PCDHGA2: variants seen among roughly 807,000 people sequenced by gnomAD.
The protein encoded by PCDHGA2 is protocadherin gamma subfamily A, 2, also known as protocadherin gamma-A2.
PCDHGA2 carries 40 observed loss-of-function variants against 59.2 expected under a neutral mutation model. The ratio of observed to expected loss-of-function variants is 0.68; its 90% CI spans 0.52 to 0.88. The LOEUF (loss-of-function observed/expected upper bound fraction) is 0.88. Among genes scored for constraint, PCDHGA2 ranks in the 40% least tolerant of loss-of-function variants. PCDHGA2 has a pLI of 0.00. For missense variants in PCDHGA2, 1,226 were observed against 1,204.0 expected, an observed-to-expected ratio of 1.02 and a Z score of -0.27; for synonymous variants, 560 against 526.0, an observed-to-expected ratio of 1.06 and a Z score of -0.89.
intron 2 of PCDHGA2, among the ~76,000 whole-genome samples, chr5:141,504,402 G>A (rs2099837969): frequency 6.6e-6 from 1 of 152,170 alleles, no homozygotes; most frequent in Admixed American, 6.6e-5. Context: ...AGCCAGTGTG[G>A]TGGAGGAACA....
chr5:141,402,749 G>A (rs768250544), intron 1 of PCDHGA2, among the ~76,000 whole-genome samples: 4 of 152,152 alleles, frequency 2.6e-5, no homozygotes, highest in Non-Finnish European at 5.9e-5. Flanking sequence ...TCAACTCTAA[G>A]CGAAAATCAG....
intron 1 of PCDHGA2, among the ~76,000 whole-genome samples, chr5:141,468,306 C>T (rs1006015063): frequency 9.5e-6 from 1 of 105,260 alleles, no homozygotes; most frequent in African/African-American, 3.7e-5. Context: ...GCCTGGGCAA[C>T]AAGAGCAACG....
In PCDHGA2 at chr5:141,476,857, C is replaced by G. The variant is rs201408987; in HGVS notation, c.2425-17950C>G. The G allele has an allele frequency of 3.1e-6, 5 of 1,613,886 alleles. No individual in the cohort carries two copies. Among genetic ancestry groups the G allele is most frequent in the Non-Finnish European group, 4.2e-6 (5 of 1,180,046 alleles). On this transcript the variant is annotated intron_variant, in intron 1 of 3. Coordinates refer to ENST00000394576, the MANE Select transcript of PCDHGA2 (RefSeq NM_018915.4). This position sits in a 1 kb window ranked among gnomAD's most constrained non-coding sequence, Gnocchi z 7.6. Reference sequence around the variant, plus strand: ...ACAATGCGCCTGTCTTCAACCAGTCCTTGTACCGGGCGCGCGTCCTGGAGG... The same window carrying G: ...ACAATGCGCCTGTCTTCAACCAGTCGTTGTACCGGGCGCGCGTCCTGGAGG...
At chr5:141,404,481 A>T in intron 1 of PCDHGA2, 1 of 1,613,836 alleles carries the variant, frequency 6.2e-7, no homozygotes, top group Non-Finnish European at 8.5e-7. Context: ...ATTAACTCAG[A>T]CACTGGTGTG....
chr5:141,355,435 C>T (rs1759852915), intron 1 of PCDHGA2: 7 of 1,614,106 alleles, frequency 4.3e-6, no homozygotes, highest in Non-Finnish European at 5.9e-6. Context: ...CGCCCTGAAC[C>T]CGCGCAGCGG....
chr5:141,430,613 A>T, intron 1 of PCDHGA2: 1 of 679,628 alleles, frequency 1.5e-6, no homozygotes, highest in Admixed American at 3.0e-5. Context: ...CACAAAGCAG[A>T]TAGCTAGGAA....
In PCDHGA2 at chr5:141,502,614, T is replaced by C. The variant is rs534996288; in HGVS notation, c.2484-2779T>C. Among the ~76,000 whole-genome samples the C allele has an allele frequency of 7.2e-5, 11 of 152,316 alleles. No homozygotes were observed. In the East Asian group the frequency reaches 1.7e-3, roughly 24 times the overall value. ...AGATATTTTAAAATATTTGTGAAAATATAAGTAATCTGTGGATGATACTTT... is the reference window on the plus strand; with the variant it reads ...AGATATTTTAAAATATTTGTGAAAACATAAGTAATCTGTGGATGATACTTT... On this transcript the variant is annotated intron_variant, in intron 2 of 3. Transcript: ENST00000394576.
At chr5:141,370,688 G>A (rs374195397) in intron 1 of PCDHGA2, 7 of 1,613,840 alleles carry the variant, frequency 4.3e-6, no homozygotes, top group Non-Finnish European at 5.9e-6. Context: ...TTTGTGGCAA[G>A]AAGTCGACGT....
intron 1 of PCDHGA2, chr5:141,430,760 A>C: frequency 1.3e-6 from 2 of 1,505,596 alleles, no homozygotes; most frequent in Non-Finnish European, 8.9e-7. Context: ...GAAGATAAGA[A>C]TGATTCCTGC....
intron 1 of PCDHGA2, chr5:141,426,679 T>A (rs1008777231): frequency 9.3e-6 from 4 of 431,308 alleles, no homozygotes; most frequent in African/African-American, 2.0e-5. Context: ...CCACCTCATT[T>A]TCCCCAAAAT....
intron 1 of PCDHGA2, among the ~76,000 whole-genome samples, chr5:141,397,773 T>C (rs2093568087): frequency 1.3e-5 from 2 of 152,218 alleles, no homozygotes; most frequent in African/African-American, 2.4e-5. Context: ...ATTAAGTATA[T>C]GGACGTAAAA....
At position 141,432,579 on chromosome 5, in the gene PCDHGA2, G is replaced by A. The variant is rs769224543; in HGVS notation, c.2425-62228G>A. 6.2e-7 allele frequency: 1 copy of A among 1,613,860 alleles called. No homozygotes were observed. Among genetic ancestry groups the A allele is most frequent in the Non-Finnish European group, 8.5e-7 (1 of 1,179,984 alleles). On this transcript the variant is annotated intron_variant, in intron 1 of 3. Transcript: ENST00000394576. The surrounding 1 kb of genome is among the most constrained non-coding windows in gnomAD (Gnocchi z 6.0). ...GGCCAGAACGCCTGGCTGTCCTACC[G>A]TCTGCTCAAGGCCAGCGAGCCGGGA...
At position 141,351,093 on chromosome 5, in the gene PCDHGA2, T is replaced by C. The variant is rs369082751; in HGVS notation, c.2424+9698T>C. On this transcript the variant is annotated intron_variant, in intron 1 of 3. Coordinates refer to ENST00000394576, the MANE Select transcript of PCDHGA2 (RefSeq NM_018915.4). ...ATTAATGCAGAGATCACCTATGCCTTCCTCAATTCCCCAATAAGTACCAGC... is the reference window on the plus strand; with the variant it reads ...ATTAATGCAGAGATCACCTATGCCTCCCTCAATTCCCCAATAAGTACCAGC... The C allele has an allele frequency of 1.5e-5, 24 of 1,614,042 alleles. No homozygotes were observed. In the East Asian group the frequency reaches 4.7e-4, roughly 31 times the overall value.
chr5:141,419,012 A>C (rs1422133011), intron 1 of PCDHGA2: 1 of 1,613,986 alleles, frequency 6.2e-7, no homozygotes. Context: ...AGTCAGGTGT[A>C]GCTTAAGTAG....
In PCDHGA2 at chr5:141,486,030, C is replaced by T. The variant is rs2099623234; in HGVS notation, c.2425-8777C>T. 2 of 1,614,046 alleles carry T rather than the reference C, an allele frequency of 1.2e-6. No homozygotes were observed. Among genetic ancestry groups the T allele is most frequent in the African/African-American group, 1.3e-5 (1 of 74,918 alleles). On this transcript the variant is annotated intron_variant, in intron 1 of 3. Coordinates refer to ENST00000394576, the MANE Select transcript of PCDHGA2 (RefSeq NM_018915.4). This position sits in a 1 kb window ranked among gnomAD's most constrained non-coding sequence, Gnocchi z 5.0. ...ACCTTTTATTTCAGTGGTCATACCC[C>T]TGATCGTGTAAGAAACCTCTTTAGC...
chr5:141,454,625 C>G (rs1193628253), intron 1 of PCDHGA2, among the ~76,000 whole-genome samples: 1 of 151,512 alleles, frequency 6.6e-6, no homozygotes, highest in Admixed American at 6.6e-5. Context: ...AGGCTGGTCT[C>G]GAACCCCCAA....
Position 141,431,529 on chromosome 5 carries a change from T to C in PCDHGA2, c.2425-63278T>C, listed in dbSNP as rs145601545. 166 of 1,614,074 alleles carry C rather than the reference T, an allele frequency of 1.0e-4. No individual in the cohort carries two copies. In the African/African-American group the frequency reaches 2.0e-3, roughly 19 times the overall value. On this transcript the variant is annotated intron_variant, in intron 1 of 3. Coordinates refer to ENST00000394576, the MANE Select transcript of PCDHGA2 (RefSeq NM_018915.4). The surrounding 1 kb of genome is among the most constrained non-coding windows in gnomAD (Gnocchi z 4.8). The stretch of plus-strand genomic sequence containing the variant: ...GCGAGCGTTCCGGAGAATCTGGCCT[T>C]GGGCACGCAGCTGCTTGTAGTCAAC...
intron 1 of PCDHGA2, chr5:141,374,675 G>A (rs1770710965): frequency 1.2e-6 from 2 of 1,610,644 alleles, no homozygotes; most frequent in South Asian, 1.1e-5. Flanking sequence ...GGTGCTGGAG[G>A]GCACACTGGA....
intron 1 of PCDHGA2, chr5:141,419,230 C>G (rs1439568232): frequency 6.2e-7 from 1 of 1,613,910 alleles, no homozygotes; most frequent in Non-Finnish European, 8.5e-7. Context: ...AGTCAGCCTA[C>G]CTGGTCCACG....
Sources: gnomAD v4.1 joint callset for allele counts (sites outside exome capture counted in the v4.1 genomes callset) on GRCh38, gnomAD v4.1.1 for gene constraint, Gnocchi (gnomAD v3.1) non-coding constraint, MANE v1.5 for transcripts, NCBI Gene and HGNC (gene_info 2026-07-23, HGNC 2026-07-21) for gene names.